Variants in EYA1 observed in about 807,000 individuals in gnomAD.
The protein encoded by EYA1 is EYA transcriptional coactivator and phosphatase 1.
A neutral mutation model predicts 82.0 loss-of-function variants in EYA1; 16 were observed. The ratio of observed to expected loss-of-function variants is 0.20; its 90% CI spans 0.13 to 0.30. EYA1 has a LOEUF of 0.30. Among genes scored for constraint, EYA1 ranks in the 10% least tolerant of loss-of-function variants. EYA1 has a pLI of 1.00. For missense variants in EYA1, 633 were observed against 730.7 expected (o/e 0.87, Z 1.54); for synonymous variants, 261 against 264.4 (o/e 0.99, Z 0.12).
intron 9 of EYA1, among the ~76,000 whole-genome samples, chr8:71,296,583 C>G (rs1293690926): frequency 1.3e-5 from 2 of 151,470 alleles, no homozygotes; most frequent in Non-Finnish European, 2.9e-5. Flanking sequence ...GTCTAACTCT[C>G]CAGTATTATA....
intron 2 of EYA1, chr8:71,403,765 A>G (rs1830077106): frequency 6.6e-6 from 1 of 152,206 alleles, no homozygotes; most frequent in African/African-American, 2.4e-5. Flanking sequence ...GTACACCATG[A>G]TACCATTTAA....
chr8:71,201,352 G>T (rs1216545381), intron 17 of EYA1, among the ~76,000 whole-genome samples: 2 of 151,826 alleles, frequency 1.3e-5, no homozygotes, highest in African/African-American at 4.8e-5. Context: ...CTCATATACT[G>T]TAATGCCTCC....
intron 1 of EYA1, among the ~76,000 whole-genome samples, chr8:71,543,627 C>T (rs1815327533): frequency 6.6e-6 from 1 of 152,132 alleles, no homozygotes; most frequent in South Asian, 2.1e-4. Context: ...TGTTTATCCA[C>T]CAATATCCCT....
At chr8:71,232,678 CTTTTCTTTTTTT>C (rs1811339403) in intron 12 of EYA1, among the ~76,000 whole-genome samples, 2 of 150,718 alleles carry the variant, frequency 1.3e-5, no homozygotes, top group Admixed American at 1.3e-4. Flanking sequence ...TTTCTTTTTT[CTTTTCTTTTTTT>C]TTTTTGGTGT....
chr8:71,272,330 C>A (rs1281557888), intron 9 of EYA1, among the ~76,000 whole-genome samples: 9 of 152,124 alleles, frequency 5.9e-5, no homozygotes, highest in Admixed American at 2.6e-4. Flanking sequence ...AAAGAAAAAA[C>A]CAGCTCTCTG....
At chr8:71,433,458 T>C (rs1406633862) in intron 2 of EYA1, among the ~76,000 whole-genome samples, 2 of 152,154 alleles carry the variant, frequency 1.3e-5, no homozygotes, top group Non-Finnish European at 2.9e-5. Flanking sequence ...GAGGAAAATA[T>C]CCAGTCCATC....
At chr8:71,478,771 C>A (rs559635172) in intron 2 of EYA1, among the ~76,000 whole-genome samples, 1 of 152,250 alleles carries the variant, frequency 6.6e-6, no homozygotes, top group South Asian at 2.1e-4. Flanking sequence ...TCCACCTCTT[C>A]ATGAGTCAGA....
intron 11 of EYA1, among the ~76,000 whole-genome samples, chr8:71,263,480 T>C (rs1441887541): frequency 6.6e-6 from 1 of 152,214 alleles, no homozygotes; most frequent in Non-Finnish European, 1.5e-5. Flanking sequence ...TTTAGATCTG[T>C]TTGTAACAGC....
chr8:71,503,453 A>G (rs1361589707), intron 2 of EYA1, among the ~76,000 whole-genome samples: 1 of 151,794 alleles, frequency 6.6e-6, no homozygotes, highest in Non-Finnish European at 1.5e-5. Flanking sequence ...AGCCTGGGCT[A>G]CAGAGTAAGA....
At chr8:71,446,539 A>G (rs1215829796) in intron 2 of EYA1, among the ~76,000 whole-genome samples, 1 of 152,180 alleles carries the variant, frequency 6.6e-6, no homozygotes, top group Non-Finnish European at 1.5e-5. Context: ...TTACAACCAT[A>G]ATATCCGTTA....
At chr8:71,351,708 G>A (rs1826325536) in intron 3 of EYA1, among the ~76,000 whole-genome samples, 2 of 152,150 alleles carry the variant, frequency 1.3e-5, no homozygotes, top group African/African-American at 4.8e-5. Flanking sequence ...CAAACATTGA[G>A]TCTTAGGATA....
chr8:71,533,432 C>T (rs553947161), intron 2 of EYA1, among the ~76,000 whole-genome samples: 69 of 152,154 alleles, frequency 4.5e-4, no homozygotes, highest in Admixed American at 2.2e-3. Flanking sequence ...GTGACATAAA[C>T]TTGTGAAAGA....
At chr8:71,281,395 C>T (rs1817803903) in intron 9 of EYA1, among the ~76,000 whole-genome samples, 2 of 152,176 alleles carry the variant, frequency 1.3e-5, no homozygotes, top group Non-Finnish European at 2.9e-5. Flanking sequence ...TTAAGAGATA[C>T]CACTAGTGAA....
chr8:71,376,814 C>G (rs1330623835), intron 2 of EYA1, among the ~76,000 whole-genome samples: 1 of 152,168 alleles, frequency 6.6e-6, no homozygotes, highest in Admixed American at 6.5e-5. Context: ...CAATCAAAAT[C>G]TGAACATTAA....
chr8:71,361,594 A>AG, intron 1 of EYA1, 53 bp downstream of exon 1: 2 of 900,076 alleles, frequency 2.2e-6, no homozygotes, highest in Non-Finnish European at 2.7e-6. Flanking sequence ...CTTTGCCCAC[A>AG]GGACAGCTGT....
At chr8:71,265,563 A>T (rs1815698195) in intron 11 of EYA1, among the ~76,000 whole-genome samples, 1 of 151,796 alleles carries the variant, frequency 6.6e-6, no homozygotes. Context: ...TTGAGTGTAG[A>T]TATCTTGGGT....
intron 2 of EYA1, 57 bp downstream of exon 2, chr8:71,356,405 G>T (rs1826882966): frequency 1.4e-5 from 20 of 1,426,152 alleles, no homozygotes; most frequent in Non-Finnish European, 1.9e-5. Flanking sequence ...GACAAAAATA[G>T]ATATGGGTCA....
chr8:71,514,450 A>C (rs1291781390), intron 2 of EYA1, among the ~76,000 whole-genome samples: 1 of 152,264 alleles, frequency 6.6e-6, no homozygotes, highest in East Asian at 1.9e-4. Flanking sequence ...AACTGATACT[A>C]TGTATTAGTC....
chr8:71,299,356 ACAAGT>A (rs1819945648), intron 8 of EYA1, 123 bp from the exon 9 acceptor site: 3 of 909,716 alleles, frequency 3.3e-6, no homozygotes, highest in Admixed American at 1.9e-5. Flanking sequence ...ACGGGGGCAT[ACAAGT>A]ACACATTAAC....
Sources: allele counts gnomAD v4.1 joint callset (sites outside exome capture counted in the v4.1 genomes callset), GRCh38; gene constraint gnomAD v4.1.1; transcripts MANE v1.5; gene names NCBI Gene and HGNC (gene_info 2026-07-23, HGNC 2026-07-21).